TMEM178B: variants seen among roughly 807,000 people sequenced by gnomAD.
TMEM178B encodes transmembrane protein 178B.
Under a neutral mutation model 31.0 loss-of-function variants are expected in TMEM178B, and 5 were observed. The observed-to-expected ratio is 0.16, with a 90% CI of 0.08 to 0.34. TMEM178B has a LOEUF of 0.34. Among genes scored for constraint, TMEM178B ranks in the 10% least tolerant of loss-of-function variants. The pLI is 1.00. For synonymous variants in TMEM178B, 164 were observed against 164.0 expected, an observed-to-expected ratio of 1.00 and a Z score of 0.00; for missense variants, 275 against 400.3, an observed-to-expected ratio of 0.69 and a Z score of 2.67.
chr7:141,215,866 T>G (rs931812123), intron 2 of TMEM178B, among the ~76,000 whole-genome samples: 5 of 146,760 alleles, frequency 3.4e-5, no homozygotes, highest in African/African-American at 1.2e-4. Context: ...TCTCTTTCTT[T>G]CTTTTCCTCC....
the TMEM178B span, among the ~76,000 whole-genome samples, chr7:141,498,045 T>A: frequency 6.6e-6 from 1 of 152,200 alleles, no homozygotes; most frequent in Non-Finnish European, 1.5e-5. Flanking sequence ...AGCTACCTTT[T>A]AAAGACTCAA....
the TMEM178B span, among the ~76,000 whole-genome samples, chr7:141,504,875 C>A: frequency 1.3e-5 from 2 of 152,214 alleles, no homozygotes; most frequent in African/African-American, 2.4e-5. Flanking sequence ...TAACAAAATG[C>A]AGATTCCTGA....
chr7:141,419,179 G>A (rs897036201), intron 2 of TMEM178B, among the ~76,000 whole-genome samples: 3 of 152,104 alleles, frequency 2.0e-5, no homozygotes, highest in Non-Finnish European at 2.9e-5. Flanking sequence ...CAAAGTGCTG[G>A]GATTATAGTC....
chr7:141,268,347 C>T (rs2116374007), intron 2 of TMEM178B, among the ~76,000 whole-genome samples: 1 of 152,248 alleles, frequency 6.6e-6, no homozygotes, highest in Admixed American at 6.5e-5. Context: ...GGGAAAAATG[C>T]CCCCAAATAA....
intron 1 of TMEM178B, among the ~76,000 whole-genome samples, chr7:141,092,208 T>A (rs969222538): frequency 1.3e-5 from 2 of 152,178 alleles, no homozygotes; most frequent in East Asian, 1.9e-4. Flanking sequence ...CCTACCAATT[T>A]AAAAAAATCT....
At chr7:141,106,568 T>G (rs1795151035) in intron 1 of TMEM178B, among the ~76,000 whole-genome samples, 1 of 152,198 alleles carries the variant, frequency 6.6e-6, no homozygotes, top group Non-Finnish European at 1.5e-5. Context: ...TTAAACTCTC[T>G]CTGAGATACC....
chr7:141,121,717 G>C (rs886127697), intron 1 of TMEM178B, among the ~76,000 whole-genome samples: 7 of 152,164 alleles, frequency 4.6e-5, no homozygotes, highest in African/African-American at 1.7e-4. Context: ...TGGGTAATGA[G>C]AGATGCGATG....
At chr7:141,485,021 A>G (rs954477374), downstream of TMEM178B, among the ~76,000 whole-genome samples, 5 of 152,192 alleles carry the variant, frequency 3.3e-5, no homozygotes, top group African/African-American at 1.2e-4. Flanking sequence ...TTTTAGGGTA[A>G]GTACCAGGGG....
At chr7:141,329,781 G>A (rs1799263590) in intron 2 of TMEM178B, among the ~76,000 whole-genome samples, 1 of 152,192 alleles carries the variant, frequency 6.6e-6, no homozygotes, top group Non-Finnish European at 1.5e-5. Flanking sequence ...CAAGTGACCT[G>A]CTATTATCAG....
intron 1 of TMEM178B, among the ~76,000 whole-genome samples, chr7:141,153,659 C>A (rs1357351450): frequency 6.6e-6 from 1 of 152,112 alleles, no homozygotes; most frequent in Non-Finnish European, 1.5e-5. Context: ...TGTAAATTTT[C>A]TCATGTGAAA....
intron 2 of TMEM178B, among the ~76,000 whole-genome samples, chr7:141,417,577 G>T (rs894177196): frequency 2.0e-5 from 3 of 152,190 alleles, no homozygotes; most frequent in African/African-American, 7.2e-5. Context: ...TACAGAACGG[G>T]TGATTCTAGA....
At chr7:141,081,918 T>A (rs1176383640) in intron 1 of TMEM178B, among the ~76,000 whole-genome samples, 1 of 152,146 alleles carries the variant, frequency 6.6e-6, no homozygotes, top group Non-Finnish European at 1.5e-5. Context: ...ATGGTAAGAG[T>A]CTCCACAGGT....
chr7:141,306,050 C>T (rs531921078), intron 2 of TMEM178B, among the ~76,000 whole-genome samples: 9 of 152,274 alleles, frequency 5.9e-5, no homozygotes, highest in Middle Eastern at 3.4e-3. Flanking sequence ...ACGTAGCATC[C>T]GGCATGTGCT....
At chr7:141,419,039 C>T (rs2116648544) in intron 2 of TMEM178B, among the ~76,000 whole-genome samples, 1 of 152,288 alleles carries the variant, frequency 6.6e-6, no homozygotes, top group African/African-American at 2.4e-5. Flanking sequence ...TACCGAATAG[C>T]TGGGATTACA....
intron 2 of TMEM178B, among the ~76,000 whole-genome samples, chr7:141,241,547 G>A (rs977624474): frequency 2.8e-5 from 4 of 143,048 alleles, no homozygotes; most frequent in Admixed American, 7.8e-5. Context: ...CTGAGATCCC[G>A]CTGTTGCACT....
the TMEM178B span, among the ~76,000 whole-genome samples, chr7:141,501,183 G>T: frequency 6.6e-6 from 1 of 151,870 alleles, no homozygotes; most frequent in Admixed American, 6.6e-5. Context: ...GTGTTAAAAT[G>T]GTAGCTGTTC....
Position 141,171,761 on chromosome 7 carries a change from G to A in TMEM178B, c.383-40830G>A, listed in dbSNP as rs895248473. ...GTTAAGCAAGGCAGTGTGAACATGTGCAAATGTGGGCCAGCTTAACACCAT... is the reference window on the plus strand; with the variant it reads ...GTTAAGCAAGGCAGTGTGAACATGTACAAATGTGGGCCAGCTTAACACCAT... On this transcript the variant is annotated intron_variant, in intron 1 of 3. Coordinates refer to ENST00000565468, the MANE Select transcript of TMEM178B (RefSeq NM_001195278.2). This position sits in a 1 kb window ranked among gnomAD's most constrained non-coding sequence, Gnocchi z 4.3. Among the ~76,000 whole-genome samples, 2 of 152,182 alleles carry A rather than the reference G, an allele frequency of 1.3e-5. No homozygotes were observed. Among genetic ancestry groups the A allele is most frequent in the African/African-American group, 4.8e-5 (2 of 41,450 alleles).
intron 3 of TMEM178B, among the ~76,000 whole-genome samples, chr7:141,459,584 G>T (rs1028997612): frequency 2.0e-5 from 3 of 152,170 alleles, no homozygotes; most frequent in African/African-American, 4.8e-5. Flanking sequence ...GGCATACTTG[G>T]GGAAGATGTC....
intron 2 of TMEM178B, among the ~76,000 whole-genome samples, chr7:141,304,127 C>G (rs926185696): frequency 6.6e-6 from 1 of 152,184 alleles, no homozygotes; most frequent in Admixed American, 6.5e-5. Context: ...AAGGAAGCTG[C>G]CTTTAATCCA....
Sources: gnomAD v4.1 joint callset for allele counts (sites outside exome capture counted in the v4.1 genomes callset) on GRCh38, gnomAD v4.1.1 for gene constraint, Gnocchi (gnomAD v3.1) non-coding constraint, MANE v1.5 for transcripts, NCBI Gene and HGNC (gene_info 2026-07-23, HGNC 2026-07-21) for gene names.